Variants in SLC44A5 observed in about 807,000 individuals in gnomAD.
SLC44A5 encodes the protein solute carrier family 44 member 5, also known as choline transporter-like protein 5.
In SLC44A5, 57 loss-of-function variants were observed where a neutral mutation model predicts 101.8. The ratio of observed to expected loss-of-function variants is 0.56; its 90% confidence interval spans 0.45 to 0.70. The LOEUF is 0.70. Ranked by LOEUF, SLC44A5 falls within the 30% of genes least tolerant of loss-of-function variation. The probability of loss-of-function intolerance (pLI) is 0.00; values close to 1 mark genes in which losing one functional copy is unlikely to be tolerated. For missense variants in SLC44A5, 737 were observed against 853.1 expected (o/e 0.86, Z 1.70); for synonymous variants, 281 against 290.9 (o/e 0.97, Z 0.35).
chr1:75,344,827 C>A (rs2101048072), intron 3 of SLC44A5, among the ~76,000 whole-genome samples: 1 of 152,152 alleles, frequency 6.6e-6, no homozygotes, highest in Admixed American at 6.6e-5. Flanking sequence ...TTCTAAGCCA[C>A]ACTTAGAATT....
At position 75,582,370 on chromosome 1, in the gene SLC44A5, G is replaced by T; in HGVS notation, c.-70+28670C>A. ...AGATCCCAAAGGGTGTCAGCCACAA[G>T]CTCCATCGACTTGCCCACATTGCCC... On this transcript the variant is annotated intron_variant, in intron 1 of 23. Coordinates refer to ENST00000370859, the MANE Select transcript of SLC44A5 (RefSeq NM_001130058.2). 3 of 967,778 alleles carry T rather than the reference G, an allele frequency of 3.1e-6. No homozygotes were observed. The South Asian group carries it at 4.3e-5, about 14-fold the overall frequency. 59.9% of individuals were successfully genotyped at this position (967,778 alleles called of 1,614,324 possible).
At chr1:75,412,119 T>C (rs149100145) in intron 2 of SLC44A5, among the ~76,000 whole-genome samples, 287 of 152,298 alleles carry the variant, frequency 1.9e-3, no homozygotes, top group African/African-American at 6.3e-3. Flanking sequence ...ACAATACTGT[T>C]CATGCAGAGA....
At chr1:75,649,044 T>C in the SLC44A5 span, among the ~76,000 whole-genome samples, 2 of 152,220 alleles carry the variant, frequency 1.3e-5, no homozygotes, top group Non-Finnish European at 1.5e-5. Context: ...GCTGGGAAAC[T>C]ATTGGGTAAC....
intron 13 of SLC44A5, among the ~76,000 whole-genome samples, chr1:75,223,512 A>G (rs1647132613): frequency 6.6e-6 from 1 of 152,236 alleles, no homozygotes; most frequent in Non-Finnish European, 1.5e-5. Context: ...GTTAAAAAGT[A>G]AAAGGTATGG....
chr1:75,716,699 G>T, the SLC44A5 span, among the ~76,000 whole-genome samples: 1 of 152,024 alleles, frequency 6.6e-6, no homozygotes, highest in Admixed American at 6.6e-5. Context: ...GAAAAGACAC[G>T]GAGTCAACCT....
rs1646698595 is a variant in SLC44A5 at position 75,203,674 on chromosome 1, A to T, written c.*53T>A. 9.9e-6 allele frequency: 15 copies of T among 1,512,708 alleles called. No individual in the cohort carries two copies. The highest frequency in any genetic ancestry group is 9.8e-5 in the African/African-American group (7 of 71,496). 93.7% of individuals were successfully genotyped at this position (1,512,708 alleles called of 1,614,324 possible). A position where few individuals can be genotyped will look rare whatever the true frequency, so the allele number is the denominator to read the frequency against. ...CTTATGAAACAAATGTTGCACAGACACAGCAGATGGAGAAAAGGTAACACA... is the reference window on the plus strand; with the variant it reads ...CTTATGAAACAAATGTTGCACAGACTCAGCAGATGGAGAAAAGGTAACACA... On this transcript the variant is annotated 3_prime_UTR_variant, in exon 24 of 24. Coordinates refer to ENST00000370859, the MANE Select transcript of SLC44A5 (RefSeq NM_001130058.2).
chr1:75,423,849 TC>T (rs1664154445), intron 2 of SLC44A5, among the ~76,000 whole-genome samples: 1 of 152,238 alleles, frequency 6.6e-6, no homozygotes, highest in Non-Finnish European at 1.5e-5. Flanking sequence ...CCCATCCTAA[TC>T]AACTGCTGTT....
chr1:75,478,348 C>G (rs991873328), intron 2 of SLC44A5, among the ~76,000 whole-genome samples: 1 of 152,148 alleles, frequency 6.6e-6, no homozygotes, highest in African/African-American at 2.4e-5. Context: ...CATGAACTAA[C>G]GAGCAAAATA....
intron 2 of SLC44A5, among the ~76,000 whole-genome samples, chr1:75,451,488 T>C (rs898631856): frequency 4.0e-5 from 6 of 150,890 alleles, no homozygotes; most frequent in Admixed American, 4.0e-4. Context: ...GATAGGAAAA[T>C]GAACAAAAAA....
rs71081324 is a variant in SLC44A5, at chr1:75,281,636, G to GCCCCCCC, written c.176-6601_176-6595dup. Among the ~76,000 whole-genome samples the GCCCCCCC allele has an allele frequency of 1.4e-4, 7 of 49,482 alleles. 1 individual carries two copies. The highest frequency in any genetic ancestry group is 3.9e-3 in the East Asian group (1 of 256). The allele number at this position is 49,482 out of a possible 152,430, so 32.5% of individuals were successfully genotyped here. A position where few individuals can be genotyped will look rare whatever the true frequency, so the allele number is the denominator to read the frequency against. Reference sequence around the variant, plus strand: ...AAATTGTTTCCTGGGCTGGTGCCAGGCCCCCCCCCCCCCCCGCTGCATTTA... The same window carrying GCCCCCCC: ...AAATTGTTTCCTGGGCTGGTGCCAGGCCCCCCCCCCCCCCCCCCCCCCGCTGCATTTA... On this transcript the variant is annotated intron_variant, in intron 5 of 23. Coordinates refer to ENST00000370859, the MANE Select transcript of SLC44A5 (RefSeq NM_001130058.2).
At position 75,414,395 on chromosome 1, in the gene SLC44A5, C is replaced by G. The variant is rs76489773; in HGVS notation, c.14-17774G>C. On this transcript the variant is annotated intron_variant, in intron 2 of 23. Transcript: ENST00000370859. ...TCTTGTGAAGAGAGAGATGCACCAGCAAACCTTTCAAAGATTCTTTTAATC... is the reference window on the plus strand; with the variant it reads ...TCTTGTGAAGAGAGAGATGCACCAGGAAACCTTTCAAAGATTCTTTTAATC... Among the ~76,000 whole-genome samples, 821 of 151,696 alleles carry G rather than the reference C, an allele frequency of 5.4e-3. 7 individuals carry two copies. The highest frequency in any genetic ancestry group is 0.019 in the African/African-American group (789 of 41,372).
chr1:75,455,762 C>G (rs1379590648), intron 2 of SLC44A5, among the ~76,000 whole-genome samples: 1 of 152,024 alleles, frequency 6.6e-6, no homozygotes, highest in Non-Finnish European at 1.5e-5. Context: ...AAAAGATTGT[C>G]AACATCACTA....
intron 1 of SLC44A5, among the ~76,000 whole-genome samples, chr1:75,551,776 T>C (rs929296117): frequency 1.3e-5 from 2 of 151,944 alleles, no homozygotes; most frequent in Non-Finnish European, 2.9e-5. Flanking sequence ...TTGTACAGAA[T>C]TGTGAATATT....
chr1:75,447,669 T>TA (rs1665667003), intron 2 of SLC44A5, among the ~76,000 whole-genome samples: 1 of 152,138 alleles, frequency 6.6e-6, no homozygotes. Flanking sequence ...GAGGCTCTCA[T>TA]AGGTGAACTA....
At chr1:75,720,630 CAA>C in the SLC44A5 span, among the ~76,000 whole-genome samples, 12 of 152,242 alleles carry the variant, frequency 7.9e-5, no homozygotes, top group South Asian at 6.2e-4. Context: ...GCATTGTCAA[CAA>C]AGAGTCAAAC....
chr1:75,658,037 T>G, the SLC44A5 span, among the ~76,000 whole-genome samples: 1 of 152,178 alleles, frequency 6.6e-6, no homozygotes, highest in African/African-American at 2.4e-5. Flanking sequence ...ACATGGAACA[T>G]TCTCCAAAAT....
chr1:75,512,146 C>A (rs1198761124), intron 2 of SLC44A5, among the ~76,000 whole-genome samples: 1 of 152,022 alleles, frequency 6.6e-6, no homozygotes, highest in African/African-American at 2.4e-5. Flanking sequence ...GGATTTCTCC[C>A]TAAATATATA....
intron 1 of SLC44A5, among the ~76,000 whole-genome samples, chr1:75,546,055 C>G (rs1671637042): frequency 6.6e-6 from 1 of 151,998 alleles, no homozygotes. Context: ...CTCCTGGGCT[C>G]AAGTGATCCT....
At chr1:75,585,263 T>C (rs906500051) in intron 1 of SLC44A5, among the ~76,000 whole-genome samples, 2 of 152,230 alleles carry the variant, frequency 1.3e-5, no homozygotes, top group Non-Finnish European at 2.9e-5. Context: ...GTAGATCACA[T>C]AAACTGAATT....
Sources: gnomAD v4.1 joint callset for allele counts (sites outside exome capture counted in the v4.1 genomes callset) on GRCh38, gnomAD v4.1.1 for gene constraint, MANE v1.5 for transcripts, NCBI Gene and HGNC (gene_info 2026-07-23, HGNC 2026-07-21) for gene names.